Variants in COLQ observed in about 807,000 individuals in gnomAD.
COLQ encodes acetylcholinesterase collagenic tail peptide.
In COLQ, 48 loss-of-function variants were observed where a neutral mutation model predicts 69.0. The ratio of observed to expected loss-of-function variants is 0.70; its 90% CI spans 0.55 to 0.88. The LOEUF (loss-of-function observed/expected upper bound fraction) is 0.88. COLQ is among the 40% of genes least tolerant of loss of function. COLQ has a pLI of 0.00. For synonymous variants in COLQ, 217 were observed against 211.2 expected, an observed-to-expected ratio of 1.03 and a Z score of -0.24; for missense variants, 618 against 594.6, an observed-to-expected ratio of 1.04 and a Z score of -0.41.
intron 13 of COLQ, among the ~76,000 whole-genome samples, chr3:15,457,047 T>C (rs1464838604): frequency 1.3e-5 from 2 of 152,086 alleles, no homozygotes; most frequent in African/African-American, 4.8e-5. Context: ...GGTTGCGAGC[T>C]CCTGACCTCA....
intron 1 of COLQ, among the ~76,000 whole-genome samples, chr3:15,494,356 C>T (rs751047677): frequency 6.6e-6 from 1 of 152,030 alleles, no homozygotes; most frequent in African/African-American, 2.4e-5. Context: ...ACGGGGCCAA[C>T]ATGTTGCAGG....
At position 15,509,133 on chromosome 3, in the gene COLQ, G is replaced by A. The variant is rs79412909; in HGVS notation, c.106+12387C>T. Among the ~76,000 whole-genome samples the A allele has an allele frequency of 5.4e-3, 820 of 152,274 alleles. 5 individuals carry two copies. Among genetic ancestry groups the A allele is most frequent in the African/African-American group, 0.018 (753 of 41,554 alleles). Reference sequence around the variant, plus strand: ...GATGGGTATATGGCCAGAATATTGGGCATCTATGTCAAATCAGCCACTATT... The same window carrying A: ...GATGGGTATATGGCCAGAATATTGGACATCTATGTCAAATCAGCCACTATT... On this transcript the variant is annotated intron_variant, in intron 1 of 16. Transcript: ENST00000383788.
At chr3:15,509,423 C>T (rs1437664056) in intron 1 of COLQ, among the ~76,000 whole-genome samples, 1 of 152,210 alleles carries the variant, frequency 6.6e-6, no homozygotes, top group Non-Finnish European at 1.5e-5. Context: ...TGTGGGGTTT[C>T]CTCCTAAGAT....
At chr3:15,515,368 G>C (rs774808864) in intron 1 of COLQ, among the ~76,000 whole-genome samples, 3 of 152,198 alleles carry the variant, frequency 2.0e-5, no homozygotes, top group Non-Finnish European at 4.4e-5. Context: ...GGCACAATTT[G>C]CACCCAGGAC....
intron 1 of COLQ, among the ~76,000 whole-genome samples, chr3:15,511,478 T>C (rs113728943): frequency 1.2e-4 from 18 of 152,216 alleles, no homozygotes; most frequent in African/African-American, 3.9e-4. Context: ...GCCCAGATTG[T>C]TCCTAAAGTC....
intron 2 of COLQ, 38 bp from the exon 3 acceptor site, chr3:15,488,345 T>G (rs761809594): frequency 6.4e-7 from 1 of 1,569,586 alleles, no homozygotes; most frequent in African/African-American, 1.3e-5. Context: ...AGGTCAGGCG[T>G]AGGGGACAGA....
At chr3:15,474,608 A>T (rs1478632592) in intron 8 of COLQ, among the ~76,000 whole-genome samples, 4 of 152,230 alleles carry the variant, frequency 2.6e-5, no homozygotes, top group Non-Finnish European at 4.4e-5. Context: ...GCTTGGCCTA[A>T]AGACATGCAT....
chr3:15,462,989 T>G (rs1472456138), intron 12 of COLQ, among the ~76,000 whole-genome samples: 1 of 152,032 alleles, frequency 6.6e-6, no homozygotes, highest in Admixed American at 6.6e-5. Context: ...GTGGGCATAC[T>G]GGGTGGAAGA....
chr3:15,499,483 GCCATTGTA>G, intron 1 of COLQ, among the ~76,000 whole-genome samples: 1 of 152,152 alleles, frequency 6.6e-6, no homozygotes, highest in East Asian at 1.9e-4. Context: ...ACCTCACTTT[GCCATTGTA>G]CAGGACAGCA....
rs540166826 is a variant in COLQ, at chr3:15,484,984, A to G, written c.321+3222T>C. Among the ~76,000 whole-genome samples, 839 of 152,324 alleles carry G rather than the reference A, an allele frequency of 5.5e-3. 8 individuals are homozygous for G. The highest frequency in any genetic ancestry group is 0.019 in the African/African-American group (804 of 41,570). On this transcript the variant is annotated intron_variant, in intron 3 of 16. Coordinates refer to ENST00000383788, the MANE Select transcript of COLQ (RefSeq NM_005677.4). ...GAGGAGAAGAGGCACTCTGATTTTT[A>G]GAATGTTCAGCTTTTCTGCTCTGGT...
chr3:15,511,938 G>A (rs369852970), intron 1 of COLQ, among the ~76,000 whole-genome samples: 2 of 152,274 alleles, frequency 1.3e-5, no homozygotes, highest in East Asian at 1.9e-4. Context: ...GAACAAACCC[G>A]GAATCCTAGT....
At position 15,451,223 on chromosome 3, in the gene COLQ, C is replaced by T. The variant is rs533015053; in HGVS notation, c.*421G>A. 3.0e-4 allele frequency: 78 copies of T among 263,956 alleles called. No individual in the cohort carries two copies. Among genetic ancestry groups the T allele is most frequent in the Middle Eastern group, 2.8e-3 (2 of 718 alleles). 16.4% of individuals were successfully genotyped at this position (263,956 alleles called of 1,614,324 possible). ...TGTGAGTGAGAATGCCTGCACGTTT[C>T]GGTGGTCAGGGGCGGAGAGGCCTGT... On this transcript the variant is annotated 3_prime_UTR_variant, in exon 17 of 17. Transcript: ENST00000383788.
Position 15,496,700 on chromosome 3 carries a change from C to A in COLQ, c.107-7063G>T, listed in dbSNP as rs373073737. Among the ~76,000 whole-genome samples the A allele has an allele frequency of 3.9e-5, 6 of 152,226 alleles. No homozygotes were observed. The East Asian group carries it at 5.8e-4, about 15-fold the overall frequency. ...GACATCAAGCTCATGTTGTATGTGG[C>A]CAGTGCATTGCCAAATTATGGGTAA... On this transcript the variant is annotated intron_variant, in intron 1 of 16. Coordinates refer to ENST00000383788, the MANE Select transcript of COLQ (RefSeq NM_005677.4).
chr3:15,467,797 G>A (rs1199058476), intron 11 of COLQ: 1 of 451,218 alleles, frequency 2.2e-6, no homozygotes, highest in Non-Finnish European at 4.5e-6. Flanking sequence ...CTCAAATCTG[G>A]GGAGCAGGCA....
At chr3:15,464,026 T>C (rs1434913431) in intron 12 of COLQ, among the ~76,000 whole-genome samples, 1 of 152,258 alleles carries the variant, frequency 6.6e-6, no homozygotes, top group Admixed American at 6.5e-5. Flanking sequence ...TGTGCTTTCT[T>C]GCCCTTGCTA....
intron 1 of COLQ, among the ~76,000 whole-genome samples, chr3:15,510,150 TG>T (rs558926155): frequency 9.3e-4 from 141 of 151,096 alleles, no homozygotes; most frequent in African/African-American, 3.3e-3. Flanking sequence ...CAGTCTAGCC[TG>T]GGCGACAGAG....
intron 1 of COLQ, among the ~76,000 whole-genome samples, chr3:15,494,092 G>A (rs1449947644): frequency 6.6e-6 from 1 of 152,186 alleles, no homozygotes; most frequent in Non-Finnish European, 1.5e-5. Flanking sequence ...GACTGTTGGG[G>A]TCAGGATGCA....
intron 2 of COLQ, among the ~76,000 whole-genome samples, chr3:15,488,799 T>C (rs2062618870): frequency 6.6e-6 from 1 of 152,244 alleles, no homozygotes; most frequent in Non-Finnish European, 1.5e-5. Context: ...AATGAGATAG[T>C]TTACATTCTT....
At chr3:15,454,056 C>T (rs2061990295) in intron 15 of COLQ, 125 bp from the exon 16 acceptor site, 1 of 707,432 alleles carries the variant, frequency 1.4e-6, no homozygotes, top group African/African-American at 1.8e-5. Context: ...GAACTGACCT[C>T]CATTAAGCTT....
Sources: allele counts gnomAD v4.1 joint callset (sites outside exome capture counted in the v4.1 genomes callset), GRCh38; gene constraint gnomAD v4.1.1; transcripts MANE v1.5; gene names NCBI Gene and HGNC (gene_info 2026-07-23, HGNC 2026-07-21).